The following STXBP5 variants were observed in gnomAD, a reference collection of about 807,000 sequenced individuals.
The protein encoded by STXBP5 is syntaxin-binding protein 5.
STXBP5 carries 50 observed loss-of-function variants against 152.4 expected under a neutral mutation model. The ratio of observed to expected loss-of-function variants is 0.33; its 90% CI spans 0.26 to 0.42. STXBP5 has a LOEUF of 0.42. Among genes scored for constraint, STXBP5 ranks in the 10% least tolerant of loss-of-function variants. STXBP5 has a pLI of 1.00. For missense variants in STXBP5, 1,167 were observed against 1,388.6 expected, an observed-to-expected ratio of 0.84 and a Z score of 2.54; for synonymous variants, 492 against 494.7, an observed-to-expected ratio of 0.99 and a Z score of 0.07.
In STXBP5 at chr6:147,204,815, C is replaced by T; in HGVS notation, c.150+133C>T. On this transcript the variant is annotated intron_variant, in intron 1 of 27. Transcript: ENST00000321680. This position sits in a 1 kb window ranked among gnomAD's most constrained non-coding sequence, Gnocchi z 4.3. ...TAATAATAATAACTCTAATAAAAGG[C>T]TCGCTCCTCCCTTGGCAAACGTTTC... The T allele has an allele frequency of 2.9e-6, 3 of 1,030,302 alleles. No homozygotes were observed. Among genetic ancestry groups the T allele is most frequent in the East Asian group, 3.1e-5 (1 of 31,902 alleles). 63.8% of individuals were successfully genotyped at this position (1,030,302 alleles called of 1,614,324 possible). A position where few individuals can be genotyped will look rare whatever the true frequency, so the allele number is the denominator to read the frequency against.
intron 16 of STXBP5, among the ~76,000 whole-genome samples, chr6:147,319,643 G>C (rs1214896773): frequency 1.3e-5 from 2 of 151,974 alleles, no homozygotes; most frequent in Non-Finnish European, 2.9e-5. Context: ...TTTGGAAGTA[G>C]CGTTTGGTGT....
At chr6:147,361,619 A>G (rs962215601) in intron 23 of STXBP5, among the ~76,000 whole-genome samples, 1 of 152,170 alleles carries the variant, frequency 6.6e-6, no homozygotes, top group African/African-American at 2.4e-5. Context: ...GGAAGATTCA[A>G]CAGTTAACCA....
At chr6:147,269,832 C>T (rs993131834) in intron 7 of STXBP5, among the ~76,000 whole-genome samples, 2 of 152,174 alleles carry the variant, frequency 1.3e-5, no homozygotes, top group Admixed American at 1.3e-4. Context: ...AACTGTGGTA[C>T]GACTTCAAGC....
At chr6:147,238,926 G>A (rs1344330730) in intron 3 of STXBP5, among the ~76,000 whole-genome samples, 1 of 151,878 alleles carries the variant, frequency 6.6e-6, no homozygotes, top group African/African-American at 2.4e-5. Flanking sequence ...GTATAGTTTT[G>A]GCTTATGAGA....
Position 147,242,272 on chromosome 6 carries a change from A to G in STXBP5, c.431+3002A>G, listed in dbSNP as rs1778586146. 1.3e-5 allele frequency among the ~76,000 whole-genome samples: 2 copies of G among 152,116 alleles called. 1 individual carries two copies. Among genetic ancestry groups the G allele is most frequent in the South Asian group, 4.1e-4 (2 of 4,832 alleles). ...TAAAGAAAAAATTATATAGTTTTAC[A>G]TTGTGTTTGTAAGTGAAGGGTTATT... is the stretch of plus-strand genomic sequence containing the variant. On this transcript the variant is annotated intron_variant, in intron 4 of 27. Transcript: ENST00000321680.
intron 9 of STXBP5, among the ~76,000 whole-genome samples, chr6:147,306,296 C>A (rs1322653059): frequency 6.6e-6 from 1 of 152,142 alleles, no homozygotes; most frequent in Non-Finnish European, 1.5e-5. Context: ...AGCAGATAAA[C>A]ATTGACAGTG....
At chr6:147,356,397 A>G (rs1167322021) in intron 22 of STXBP5, among the ~76,000 whole-genome samples, 1 of 151,874 alleles carries the variant, frequency 6.6e-6, no homozygotes. Context: ...TGTATTTATC[A>G]TTGTAAAATT....
intron 21 of STXBP5, among the ~76,000 whole-genome samples, chr6:147,349,603 A>G (rs1053315645): frequency 6.6e-6 from 1 of 152,210 alleles, no homozygotes; most frequent in African/African-American, 2.4e-5. Flanking sequence ...ATGGTCTTAG[A>G]TAAGTGTTCC....
chr6:147,297,252 G>A (rs919278771), intron 9 of STXBP5, among the ~76,000 whole-genome samples: 4 of 152,126 alleles, frequency 2.6e-5, no homozygotes, highest in South Asian at 2.1e-4. Context: ...GATTATCAAC[G>A]GATTTCTCAG....
Position 147,204,594 on chromosome 6 carries a change from CGCAGCA to C in STXBP5, c.66_71del (p.Gln26_Gln27del). 1.2e-6 allele frequency: 2 copies of C among 1,610,096 alleles called. No homozygotes were observed. The highest frequency in any genetic ancestry group is 4.5e-5 in the East Asian group (2 of 44,194). On this transcript the variant is annotated inframe_deletion, in exon 1 of 28. Coordinates refer to ENST00000321680, the MANE Select transcript of STXBP5 (RefSeq NM_001127715.4). The surrounding 1 kb of genome is among the most constrained non-coding windows in gnomAD (Gnocchi z 4.3). ...CTGACCGCCGGCTCGTCCTCGGCGT[CGCAGCA>C]GCAACAGCAGCAGCATCCGCCTGGG... is the stretch of plus-strand genomic sequence containing the variant.
At chr6:147,322,560 C>T (rs939330818) in intron 16 of STXBP5, among the ~76,000 whole-genome samples, 1 of 152,184 alleles carries the variant, frequency 6.6e-6, no homozygotes, top group African/African-American at 2.4e-5. Flanking sequence ...GTTCTTACCT[C>T]TGAGTTTGGT....
intron 4 of STXBP5, among the ~76,000 whole-genome samples, chr6:147,245,132 G>T (rs531605789): frequency 6.6e-6 from 1 of 151,508 alleles, no homozygotes; most frequent in South Asian, 2.1e-4. Context: ...GGGATTACAG[G>T]TGCCCACCAC....
chr6:147,304,372 C>T (rs866157681), intron 9 of STXBP5, among the ~76,000 whole-genome samples: 21 of 152,114 alleles, frequency 1.4e-4, no homozygotes, highest in Non-Finnish European at 2.9e-5. Flanking sequence ...ACTCAAAAGT[C>T]GAGAATTGAG....
rs560862066 is a variant in STXBP5 at position 147,334,848 on chromosome 6, A to G, written c.2146+626A>G. On this transcript the variant is annotated intron_variant, in intron 19 of 27. Transcript: ENST00000321680. ...CCTTTTCTAATCCTTCATAAAGTTA[A>G]TATTATTCACCAGTTTTCTAGTGAA... Among the ~76,000 whole-genome samples, 5 of 152,216 alleles carry G rather than the reference A, an allele frequency of 3.3e-5. No homozygotes were observed. The South Asian group carries it at 1.0e-3, about 32-fold the overall frequency.
chr6:147,349,465 A>T (rs12199542), intron 21 of STXBP5, among the ~76,000 whole-genome samples: 66,204 of 152,010 alleles, frequency 0.44, 15,413 homozygotes, highest in Non-Finnish European at 0.52. Context: ...ATACTTTAAA[A>T]TTTCTGCATG....
chr6:147,383,450 A>G (rs192099842), intron 27 of STXBP5, among the ~76,000 whole-genome samples: 196 of 152,202 alleles, frequency 1.3e-3, no homozygotes, highest in African/African-American at 4.3e-3. Flanking sequence ...ACCAATTCAT[A>G]TGGAGGAGTA....
At chr6:147,310,527 A>AAGTG (rs1185178416) in intron 10 of STXBP5, among the ~76,000 whole-genome samples, 4 of 96,498 alleles carry the variant, frequency 4.1e-5, no homozygotes, top group African/African-American at 1.4e-4. Context: ...ATAGGAGAGA[A>AAGTG]AGTGATTGAT....
chr6:147,389,476 A>G lies in STXBP5; in HGVS notation c.*4721A>G, dbSNP rs573096982. The G allele has an allele frequency of 1.3e-5, 2 of 151,998 alleles. No homozygotes were observed. Among genetic ancestry groups the G allele is most frequent in the South Asian group, 4.1e-4 (2 of 4,832 alleles). 9.4% of individuals were successfully genotyped at this position (151,998 alleles called of 1,614,324 possible). A position where few individuals can be genotyped will look rare whatever the true frequency, so the allele number is the denominator to read the frequency against. ...ATTCAGTACAGTAGTCCAGGGCTAC[A>G]TGTAAGTGGTCTCTTTATTTTATTC... is the stretch of plus-strand genomic sequence containing the variant. On this transcript the variant is annotated 3_prime_UTR_variant, in exon 28 of 28. Coordinates refer to ENST00000321680, the MANE Select transcript of STXBP5 (RefSeq NM_001127715.4).
intron 2 of STXBP5, among the ~76,000 whole-genome samples, chr6:147,233,651 C>T (rs1778123135): frequency 6.6e-6 from 1 of 151,618 alleles, no homozygotes; most frequent in South Asian, 2.1e-4. Flanking sequence ...TAGAATTAGA[C>T]TCACTATACT....
Sources: allele counts gnomAD v4.1 joint callset (sites outside exome capture counted in the v4.1 genomes callset), GRCh38; gene constraint gnomAD v4.1.1; non-coding constraint Gnocchi (gnomAD v3.1); transcripts MANE v1.5; gene names NCBI Gene and HGNC (gene_info 2026-07-23, HGNC 2026-07-21).